Variants in BTBD9 observed in about 807,000 individuals in gnomAD.
BTBD9 encodes the protein BTB domain containing 9, also known as BTB/POZ domain-containing protein 9.
In BTBD9, 49 loss-of-function variants were observed where a neutral mutation model predicts 64.3. The ratio of observed to expected loss-of-function variants is 0.76; its 90% CI spans 0.61 to 0.97. The LOEUF (loss-of-function observed/expected upper bound fraction) is 0.97. BTBD9 is among the 50% of genes least tolerant of loss of function. The pLI, the probability that BTBD9 is intolerant of heterozygous loss-of-function variation, is 0.00. For missense variants in BTBD9, 598 were observed against 762.1 expected (o/e 0.78, Z 2.53); for synonymous variants, 260 against 274.7 (o/e 0.95, Z 0.53).
intron 10 of BTBD9, among the ~76,000 whole-genome samples, chr6:38,192,171 C>A (rs1388237439): frequency 6.6e-6 from 1 of 152,174 alleles, no homozygotes; most frequent in Non-Finnish European, 1.5e-5. Context: ...AGACGCCACG[C>A]TCAGAGGGGC....
chr6:38,491,491 C>T (rs983558420), intron 6 of BTBD9, among the ~76,000 whole-genome samples: 1 of 152,126 alleles, frequency 6.6e-6, no homozygotes, highest in Non-Finnish European at 1.5e-5. Flanking sequence ...TAAGTAATAA[C>T]ACCTGTTTTC....
chr6:38,360,108 C>T (rs373682189), intron 6 of BTBD9, among the ~76,000 whole-genome samples: 1 of 152,026 alleles, frequency 6.6e-6, no homozygotes, highest in African/African-American at 2.4e-5. Context: ...AAAGAAGTCC[C>T]CCAATCCAGA....
chr6:38,556,745 G>C (rs1442682164), intron 6 of BTBD9, among the ~76,000 whole-genome samples: 1 of 151,664 alleles, frequency 6.6e-6, no homozygotes, highest in Non-Finnish European at 1.5e-5. Flanking sequence ...GGCCGGGCGC[G>C]GTGGATCATG....
chr6:38,179,437 G>C (rs372049986), intron 10 of BTBD9: 1 of 456,614 alleles, frequency 2.2e-6, no homozygotes, highest in Non-Finnish European at 4.4e-6. Context: ...GGCATACTGC[G>C]GTGCTACAGA....
chr6:38,303,874 T>TATACACACAC (rs368257334), intron 7 of BTBD9, among the ~76,000 whole-genome samples: 4 of 82,648 alleles, frequency 4.8e-5, no homozygotes, highest in African/African-American at 1.9e-4. Context: ...TATATATATA[T>TATACACACAC]ACACACACAC....
At chr6:38,189,673 CTTT>C (rs58452564) in intron 10 of BTBD9, among the ~76,000 whole-genome samples, 9 of 147,960 alleles carry the variant, frequency 6.1e-5, no homozygotes, top group African/African-American at 2.0e-4. Context: ...TTCTTTCTTT[CTTT>C]TTTTTTTTTC....
chr6:38,464,543 T>C (rs1179803422), intron 6 of BTBD9, among the ~76,000 whole-genome samples: 1 of 152,166 alleles, frequency 6.6e-6, no homozygotes, highest in Non-Finnish European at 1.5e-5. Flanking sequence ...TTGCCCAGGC[T>C]GGAGTCCAGT....
chr6:38,260,164 C>T (rs1764741371), intron 8 of BTBD9, among the ~76,000 whole-genome samples: 1 of 152,174 alleles, frequency 6.6e-6, no homozygotes, highest in Admixed American at 6.5e-5. Context: ...AACTCTGCTT[C>T]AAACATGTAG....
At chr6:38,463,486 G>A (rs571562456) in intron 6 of BTBD9, among the ~76,000 whole-genome samples, 1 of 152,308 alleles carries the variant, frequency 6.6e-6, no homozygotes, top group South Asian at 2.1e-4. Context: ...TGTAACTTTT[G>A]ACATTAAGTT....
At chr6:38,523,455 G>C (rs17590777) in intron 6 of BTBD9, among the ~76,000 whole-genome samples, 27,367 of 152,026 alleles carry the variant, frequency 0.18, 2,515 homozygotes, top group Middle Eastern at 0.25. Context: ...GGAAGTCTCT[G>C]AGAGTTGGGC....
intron 6 of BTBD9, among the ~76,000 whole-genome samples, chr6:38,525,461 A>ACTG (rs569368064): frequency 3.7e-4 from 56 of 152,342 alleles, no homozygotes; most frequent in Admixed American, 2.7e-3. Context: ...GTAGTGGTGT[A>ACTG]CTGCTATAAA....
intron 6 of BTBD9, among the ~76,000 whole-genome samples, chr6:38,385,333 G>A (rs1236549131): frequency 6.6e-6 from 1 of 151,512 alleles, no homozygotes; most frequent in African/African-American, 2.4e-5. Flanking sequence ...GGGATTACAG[G>A]TGCCTGGCAC....
At chr6:38,595,042 T>C (rs35364976) in intron 2 of BTBD9, among the ~76,000 whole-genome samples, 13,246 of 152,202 alleles carry the variant, frequency 0.087, 703 homozygotes, top group Middle Eastern at 0.18. Context: ...TATGCAGCCA[T>C]TAGAAAGATC....
intron 6 of BTBD9, among the ~76,000 whole-genome samples, chr6:38,443,763 T>C (rs1031288676): frequency 6.6e-6 from 1 of 152,198 alleles, no homozygotes; most frequent in Non-Finnish European, 1.5e-5. Flanking sequence ...CCTGCCCTTG[T>C]TGCTACGACC....
intron 8 of BTBD9, among the ~76,000 whole-genome samples, chr6:38,274,241 CTT>C (rs1407429790): frequency 6.6e-6 from 1 of 152,182 alleles, no homozygotes; most frequent in African/African-American, 2.4e-5. Flanking sequence ...TATCCTAAGA[CTT>C]TGCTGAAGTT....
chr6:38,600,689 T>C (rs927613158), intron 1 of BTBD9, among the ~76,000 whole-genome samples: 1 of 152,208 alleles, frequency 6.6e-6, no homozygotes, highest in Non-Finnish European at 1.5e-5. Flanking sequence ...ATTGAGGTCA[T>C]GGCTAATACT....
chr6:38,613,543 G>A (rs1345479990), intron 1 of BTBD9, among the ~76,000 whole-genome samples: 1 of 152,042 alleles, frequency 6.6e-6, no homozygotes, highest in African/African-American at 2.4e-5. Context: ...GGAGGTGGAG[G>A]CCGCAGTGAG....
intron 9 of BTBD9, among the ~76,000 whole-genome samples, chr6:38,224,126 T>C (rs1763306985): frequency 6.6e-6 from 1 of 152,046 alleles, no homozygotes. Context: ...GGTGGGAGGA[T>C]CACTTGAGCC....
chr6:38,351,563 G>A (rs957196762), intron 6 of BTBD9, among the ~76,000 whole-genome samples: 42 of 135,518 alleles, frequency 3.1e-4, no homozygotes, highest in African/African-American at 9.1e-4. Flanking sequence ...GTGCAGTGGC[G>A]TGATCTCAGC....
Sources: gnomAD v4.1 joint callset for allele counts (sites outside exome capture counted in the v4.1 genomes callset) on GRCh38, gnomAD v4.1.1 for gene constraint, MANE v1.5 for transcripts, NCBI Gene and HGNC (gene_info 2026-07-23, HGNC 2026-07-21) for gene names.